The following MTARC2 variants were observed in gnomAD, a reference collection of about 807,000 sequenced individuals.
The protein encoded by MTARC2 is mitochondrial amidoxime reducing component 2.
A neutral mutation model predicts 35.6 loss-of-function variants in MTARC2; 27 were observed. That is an observed-to-expected ratio of 0.76 (90% CI 0.56 to 1.04). MTARC2 has a LOEUF of 1.04. MTARC2 is among the 50% of genes least tolerant of loss of function. The pLI, the probability that MTARC2 is intolerant of heterozygous loss-of-function variation, is 0.00. For missense variants in MTARC2, 412 were observed against 432.5 expected (o/e 0.95, Z 0.42); for synonymous variants, 158 against 167.1 (o/e 0.95, Z 0.42).
At chr1:220,783,498 T>C (rs1672137677) in intron 7 of MTARC2, among the ~76,000 whole-genome samples, 1 of 152,190 alleles carries the variant, frequency 6.6e-6, no homozygotes. Context: ...GGGAGCCCAA[T>C]GGCTGTGAGA....
intron 4 of MTARC2, among the ~76,000 whole-genome samples, chr1:220,765,858 A>C (rs1572303952): frequency 6.6e-6 from 1 of 152,248 alleles, no homozygotes; most frequent in African/African-American, 2.4e-5. Flanking sequence ...CTGGGATTAT[A>C]GTCATGAGCT....
intron 4 of MTARC2, among the ~76,000 whole-genome samples, chr1:220,774,208 A>G (rs574878976): frequency 1.3e-5 from 2 of 152,174 alleles, no homozygotes; most frequent in East Asian, 1.9e-4. Flanking sequence ...TTAGGACCAC[A>G]GGCACACACC....
chr1:220,784,005 A>G lies in MTARC2; in HGVS notation c.*118A>G. The G allele has an allele frequency of 1.4e-6, 1 of 715,508 alleles. No individual in the cohort carries two copies. Among genetic ancestry groups the G allele is most frequent in the Non-Finnish European group, 2.6e-6 (1 of 384,262 alleles). The allele number at this position is 715,508 out of a possible 1,614,324, so 44.3% of individuals were successfully genotyped here. A position where few individuals can be genotyped will look rare whatever the true frequency, so the allele number is the denominator to read the frequency against. ...AATCCTTATTATCCAGCCTTCAACT[A>G]TCTTTACCCTGGAAAACAATCTCGA... On this transcript the variant is annotated 3_prime_UTR_variant, in exon 8 of 8. Coordinates refer to ENST00000366913, the MANE Select transcript of MTARC2 (RefSeq NM_017898.5).
At chr1:220,758,841 G>GTA (rs72511859) in intron 2 of MTARC2, among the ~76,000 whole-genome samples, 55,132 of 151,930 alleles carry the variant, frequency 0.36, 12,753 homozygotes, top group East Asian at 0.75. Flanking sequence ...ATGTGTGTGT[G>GTA]TGTGTGTGTC....
At chr1:220,772,123 T>C (rs974831801) in intron 4 of MTARC2, among the ~76,000 whole-genome samples, 1 of 152,236 alleles carries the variant, frequency 6.6e-6, no homozygotes, top group African/African-American at 2.4e-5. Context: ...ATCCTGTGAC[T>C]CTGCAATAAC....
At chr1:220,765,754 T>C (rs575265825) in intron 4 of MTARC2, among the ~76,000 whole-genome samples, 91 of 152,284 alleles carry the variant, frequency 6.0e-4, no homozygotes, top group African/African-American at 2.2e-3. Flanking sequence ...CTAATTTTTG[T>C]ATTTTTTTGT....
chr1:220,762,937 C>T lies in MTARC2; in HGVS notation c.637C>T (p.Leu213=), dbSNP rs1355726257. 1 of 1,614,044 alleles carries T rather than the reference C, an allele frequency of 6.2e-7. No individual in the cohort carries two copies. Among genetic ancestry groups the T allele is most frequent in the Admixed American group, 1.7e-5 (1 of 60,004 alleles). ...QVAYPDYCPL[L]IMTDASLVDL... Reference sequence around the variant, plus strand: ...GGCCTACCCAGACTACTGCCCGCTCCTGATCATGACAGATGCCTCCCTGGT... The same window carrying T: ...GGCCTACCCAGACTACTGCCCGCTCTTGATCATGACAGATGCCTCCCTGGT... Residue 213 remains leucine (L), a synonymous_variant, in exon 4 of 8, where the codon CTG becomes TTG. Transcript: ENST00000366913.
At position 220,777,161 on chromosome 1, in the gene MTARC2, A is replaced by G. The variant is rs116240661; in HGVS notation, c.751-2857A>G. 9.0e-3 allele frequency among the ~76,000 whole-genome samples: 1,378 copies of G among 152,322 alleles called. 19 individuals carry two copies. The highest frequency in any genetic ancestry group is 0.03 in the African/African-American group (1,231 of 41,572). Reference sequence around the variant, plus strand: ...CAGTTATCCTCAACTGGTTGGTTGGACCGTGGCGTTTATTTCCACAAAGCA... The same window carrying G: ...CAGTTATCCTCAACTGGTTGGTTGGGCCGTGGCGTTTATTTCCACAAAGCA... On this transcript the variant is annotated intron_variant, in intron 4 of 7. Coordinates refer to ENST00000366913, the MANE Select transcript of MTARC2 (RefSeq NM_017898.5).
chr1:220,771,382 G>C (rs754886545), intron 4 of MTARC2, among the ~76,000 whole-genome samples: 11 of 145,876 alleles, frequency 7.5e-5, no homozygotes, highest in Admixed American at 2.1e-4. Flanking sequence ...CCAAACAACA[G>C]ATGCCTCCAG....
intron 4 of MTARC2, among the ~76,000 whole-genome samples, chr1:220,767,049 C>T (rs974125550): frequency 2.0e-5 from 3 of 151,670 alleles, no homozygotes; most frequent in Non-Finnish European, 4.4e-5. Flanking sequence ...CTCCCAAGTC[C>T]ATTTGTCATT....
chr1:220,765,771 A>G (rs947023201), intron 4 of MTARC2, among the ~76,000 whole-genome samples: 34 of 152,138 alleles, frequency 2.2e-4, no homozygotes, highest in Admixed American at 6.5e-5. Context: ...TTGTAGAGAC[A>G]GGGTCTCCCT....
chr1:220,749,427 CTTTTTTTT>C (rs60380640), intron 1 of MTARC2, among the ~76,000 whole-genome samples: 2 of 98,710 alleles, frequency 2.0e-5, no homozygotes, highest in South Asian at 3.2e-4. Context: ...ATGCCTTCTT[CTTTTTTTT>C]TTTTTTTTTT....
At chr1:220,759,592 CTG>C (rs1278890030) in intron 2 of MTARC2, among the ~76,000 whole-genome samples, 1 of 151,976 alleles carries the variant, frequency 6.6e-6, no homozygotes, top group African/African-American at 2.4e-5. Context: ...TGGGTGGAGA[CTG>C]TGAGTAATAT....
At chr1:220,776,697 A>G (rs1444347036) in intron 4 of MTARC2, among the ~76,000 whole-genome samples, 2 of 152,202 alleles carry the variant, frequency 1.3e-5, no homozygotes, top group East Asian at 3.9e-4. Flanking sequence ...GTGAGAATAG[A>G]TGACTAACTG....
At chr1:220,753,427 G>A (rs879439006) in intron 1 of MTARC2, among the ~76,000 whole-genome samples, 28 of 152,272 alleles carry the variant, frequency 1.8e-4, no homozygotes, top group Admixed American at 9.8e-4. Context: ...GTGGTTGCGG[G>A]GAAGGGACAG....
chr1:220,770,531 G>A (rs1402942124), intron 4 of MTARC2: 2 of 985,454 alleles, frequency 2.0e-6, no homozygotes, highest in Non-Finnish European at 2.4e-6. Flanking sequence ...AAATACAGAT[G>A]TTGGAGTAGA....
At chr1:220,781,652 C>A in intron 6 of MTARC2, 126 bp from the exon 7 acceptor site, 1 of 978,212 alleles carries the variant, frequency 1.0e-6, no homozygotes, top group Non-Finnish European at 1.5e-6. Flanking sequence ...ACTTCTCTCG[C>A]AACATTTTAG....
chr1:220,775,751 C>T (rs1671886364), intron 4 of MTARC2, among the ~76,000 whole-genome samples: 1 of 152,172 alleles, frequency 6.6e-6, no homozygotes, highest in African/African-American at 2.4e-5. Context: ...AACATTTAGC[C>T]TCTACTTATA....
intron 4 of MTARC2, among the ~76,000 whole-genome samples, chr1:220,778,955 A>G (rs772907263): frequency 1.3e-5 from 2 of 152,130 alleles, no homozygotes; most frequent in Admixed American, 6.5e-5. Context: ...TCTTTGCCCA[A>G]TTCTGCATAT....
Sources: allele counts gnomAD v4.1 joint callset (sites outside exome capture counted in the v4.1 genomes callset), GRCh38; gene constraint gnomAD v4.1.1; transcripts MANE v1.5; gene names NCBI Gene and HGNC (gene_info 2026-07-23, HGNC 2026-07-21).